CSGALNACT1: variants seen among roughly 807,000 people sequenced by gnomAD.
CSGALNACT1 encodes the protein chondroitin sulfate N-acetylgalactosaminyltransferase 1, also known as beta4GalNAcT-1.
Under a neutral mutation model 51.0 loss-of-function variants are expected in CSGALNACT1, and 52 were observed. That is an observed-to-expected ratio of 1.02 (90% CI 0.82 to 1.29). The LOEUF is 1.29. CSGALNACT1 is among the 50% of genes most tolerant of loss of function. The pLI is 0.00. For synonymous variants in CSGALNACT1, 341 were observed against 254.4 expected (o/e 1.34, Z -3.24); for missense variants, 935 against 679.2 (o/e 1.38, Z -4.19).
At chr8:19,656,804 A>G (rs1267050816) in intron 1 of CSGALNACT1, among the ~76,000 whole-genome samples, 2 of 152,232 alleles carry the variant, frequency 1.3e-5, no homozygotes, top group African/African-American at 2.4e-5. Context: ...GCAGTGGCTC[A>G]CGCCTGTTAT....
chr8:19,482,699 A>T (rs1013833408), intron 4 of CSGALNACT1, among the ~76,000 whole-genome samples: 1 of 152,092 alleles, frequency 6.6e-6, no homozygotes, highest in Non-Finnish European at 1.5e-5. Flanking sequence ...CAAAGTTCCG[A>T]TCACAGATCG....
At chr8:19,598,327 C>T (rs2049424276) in intron 2 of CSGALNACT1, among the ~76,000 whole-genome samples, 1 of 152,084 alleles carries the variant, frequency 6.6e-6, no homozygotes, top group South Asian at 2.1e-4. Context: ...CCAATGGTGG[C>T]CCAGGAGTAT....
chr8:19,590,016 G>C (rs955058407), intron 3 of CSGALNACT1, among the ~76,000 whole-genome samples: 1 of 152,106 alleles, frequency 6.6e-6, no homozygotes, highest in East Asian at 1.9e-4. Context: ...GACCTCTCTA[G>C]GTTAGACATA....
chr8:19,736,147 T>C (rs2063956438), intron 1 of CSGALNACT1, among the ~76,000 whole-genome samples: 1 of 152,214 alleles, frequency 6.6e-6, no homozygotes, highest in South Asian at 2.1e-4. Context: ...TTGCAATGTG[T>C]GCACAGCAAA....
intron 2 of CSGALNACT1, among the ~76,000 whole-genome samples, chr8:19,595,964 A>C: frequency 6.6e-6 from 1 of 151,236 alleles, no homozygotes; most frequent in African/African-American, 2.4e-5. Context: ...TTCTGGCTCA[A>C]GGGATCCTCC....
chr8:19,477,027 C>CTAAA (rs1563620614), intron 4 of CSGALNACT1, among the ~76,000 whole-genome samples: 1 of 152,182 alleles, frequency 6.6e-6, no homozygotes, highest in Non-Finnish European at 1.5e-5. Context: ...TAATAACTCA[C>CTAAA]TAAAATTCCA....
At chr8:19,554,682 C>G (rs2089238163) in intron 3 of CSGALNACT1, among the ~76,000 whole-genome samples, 1 of 152,118 alleles carries the variant, frequency 6.6e-6, no homozygotes, top group South Asian at 2.1e-4. Flanking sequence ...CTTTGGGAGG[C>G]TGAGGCCAGT....
intron 4 of CSGALNACT1, among the ~76,000 whole-genome samples, chr8:19,499,473 A>G (rs2076049135): frequency 6.6e-6 from 1 of 152,216 alleles, no homozygotes; most frequent in South Asian, 2.1e-4. Flanking sequence ...AATAATAAAA[A>G]CAAACAAATA....
In CSGALNACT1 at chr8:19,505,715, C is replaced by G. The variant is rs1260097959; in HGVS notation, c.120G>C (p.Glu40Asp). ...TGGCCCTGGGCAGTGCCAGCTGCTC[C>G]TCGTCACCTTTTGGGGTGCAGGCCA... The change falls in exon 4 of 10, where the codon GAG (glutamate) becomes GAC (aspartate). Residue 40 changes from glutamate (E) to aspartate (D), a missense_variant. Physicochemically the swap from Glu to Asp is conservative, Grantham distance 45. Transcript: ENST00000454498. 3 of 1,614,092 alleles carry G rather than the reference C, an allele frequency of 1.9e-6. No homozygotes were observed. The South Asian group carries it at 3.3e-5, about 18-fold the overall frequency.
intron 1 of CSGALNACT1, among the ~76,000 whole-genome samples, chr8:19,639,928 C>T (rs1348489320): frequency 6.6e-6 from 1 of 150,590 alleles, no homozygotes; most frequent in East Asian, 1.9e-4. Context: ...GTCTCTCAGG[C>T]TGGAATGCAG....
intron 9 of CSGALNACT1, 110 bp from the exon 9 acceptor site, chr8:19,406,179 C>T: frequency 8.0e-7 from 1 of 1,249,410 alleles, no homozygotes; most frequent in African/African-American, 1.5e-5. Context: ...GGGATGCGTG[C>T]TTCACCACCA....
intron 5 of CSGALNACT1, chr8:19,457,596 G>T: frequency 9.1e-7 from 1 of 1,095,034 alleles, no homozygotes. Flanking sequence ...CTGGGTGACA[G>T]AGTAAGACTC....
intron 8 of CSGALNACT1, among the ~76,000 whole-genome samples, chr8:19,413,594 T>C (rs966483855): frequency 3.3e-5 from 5 of 152,214 alleles, no homozygotes; most frequent in African/African-American, 4.8e-5. Context: ...TTTGGCAATT[T>C]ACAAAAAGGT....
chr8:19,661,804 C>A (rs1018657985), intron 1 of CSGALNACT1, among the ~76,000 whole-genome samples: 7 of 152,156 alleles, frequency 4.6e-5, no homozygotes, highest in African/African-American at 1.7e-4. Context: ...CATTTCAAAT[C>A]ACGGATATGC....
intron 3 of CSGALNACT1, among the ~76,000 whole-genome samples, chr8:19,550,263 G>A (rs1331215064): frequency 1.3e-5 from 2 of 152,160 alleles, no homozygotes; most frequent in Non-Finnish European, 2.9e-5. Context: ...CAGGACAACA[G>A]ATGTACAGCA....
chr8:19,686,092 A>C (rs943480047), upstream of CSGALNACT1, among the ~76,000 whole-genome samples: 3 of 152,136 alleles, frequency 2.0e-5, no homozygotes, highest in Admixed American at 1.3e-4. Flanking sequence ...GGGCACAGTT[A>C]ATTCTTTTTC....
chr8:19,406,166 G>T (rs540097301), intron 9 of CSGALNACT1, 97 bp from the exon 9 acceptor site: 9 of 1,390,620 alleles, frequency 6.5e-6, no homozygotes, highest in Non-Finnish European at 9.2e-6. Context: ...GACATGACTG[G>T]GGGGGATGCG....
chr8:19,595,915 G>A (rs549406247), intron 2 of CSGALNACT1, among the ~76,000 whole-genome samples: 2 of 142,754 alleles, frequency 1.4e-5, no homozygotes, highest in African/African-American at 5.2e-5. Flanking sequence ...CCAGGCTATA[G>A]TCCAGTGATG....
At position 19,505,350 on chromosome 8, in the gene CSGALNACT1, CCAGTCTCCAGCTGGTA is replaced by C; in HGVS notation, c.469_484del (p.Tyr157AlafsTer11). On this transcript the variant is annotated frameshift_variant, in exon 4 of 10. Transcript: ENST00000454498. LOFTEE classifies it high-confidence loss of function. ...CTTCTCCTCGGGGTGGCGGGTAAGG[CCAGTCTCCAGCTGGTA>C]CACCTTCTGTAGAGTAAAGCTATCG... 6.2e-7 allele frequency: 1 copy of C among 1,614,170 alleles called. No individual in the cohort carries two copies. The highest frequency in any genetic ancestry group is 8.5e-7 in the Non-Finnish European group (1 of 1,180,044).
Sources: allele counts gnomAD v4.1 joint callset (sites outside exome capture counted in the v4.1 genomes callset), GRCh38; gene constraint gnomAD v4.1.1; transcripts MANE v1.5; gene names NCBI Gene and HGNC (gene_info 2026-07-23, HGNC 2026-07-21).